SYN3: variants seen among roughly 807,000 people sequenced by gnomAD.
SYN3 encodes synapsin III, also known as synapsin-3.
A neutral mutation model predicts 65.8 loss-of-function variants in SYN3; 35 were observed. The observed-to-expected ratio is 0.53, with a 90% confidence interval of 0.41 to 0.70. The LOEUF (loss-of-function observed/expected upper bound fraction) is 0.70, where lower values mean the gene tolerates loss of function less well. Ranked by LOEUF, SYN3 falls within the 30% of genes least tolerant of loss-of-function variation. SYN3 has a pLI of 0.00. For synonymous variants in SYN3, 270 were observed against 292.9 expected, an observed-to-expected ratio of 0.92 and a Z score of 0.80; for missense variants, 680 against 749.0, an observed-to-expected ratio of 0.91 and a Z score of 1.08.
intron 6 of SYN3, among the ~76,000 whole-genome samples, chr22:32,610,604 C>A (rs2059429005): frequency 6.8e-6 from 1 of 146,616 alleles, no homozygotes; most frequent in Admixed American, 6.8e-5. Flanking sequence ...TGTTTTGAGA[C>A]AACGTTTTGC....
intron 4 of SYN3, among the ~76,000 whole-genome samples, chr22:32,928,901 C>T (rs546727466): frequency 3.3e-5 from 5 of 152,232 alleles, no homozygotes; most frequent in South Asian, 2.1e-4. Flanking sequence ...ATTTCATAAA[C>T]GCTTTTTCAG....
chr22:32,998,736 A>G (rs1255219415), intron 2 of SYN3, among the ~76,000 whole-genome samples: 2 of 151,116 alleles, frequency 1.3e-5, no homozygotes, highest in African/African-American at 4.9e-5. Flanking sequence ...TTTGATTTTG[A>G]AAATCAAACC....
intron 6 of SYN3, among the ~76,000 whole-genome samples, chr22:32,679,824 A>T (rs1330524744): frequency 0.026 from 685 of 26,088 alleles, 3 homozygotes; most frequent in East Asian, 0.063. Context: ...AAACTGGGTG[A>T]GGTTTGTTTT....
intron 4 of SYN3, among the ~76,000 whole-genome samples, chr22:32,886,465 A>G (rs545428765): frequency 6.6e-6 from 1 of 152,178 alleles, no homozygotes; most frequent in Non-Finnish European, 1.5e-5. Flanking sequence ...TTTGAGCTTC[A>G]GTTTCCTCAT....
intron 4 of SYN3, among the ~76,000 whole-genome samples, chr22:32,890,730 G>T (rs1023019865): frequency 3.9e-5 from 6 of 152,034 alleles, no homozygotes; most frequent in Non-Finnish European, 7.4e-5. Flanking sequence ...CTTCTTTTGG[G>T]CAAGTTGCCT....
chr22:33,021,896 T>C (rs2053567054), intron 1 of SYN3, among the ~76,000 whole-genome samples: 1 of 152,082 alleles, frequency 6.6e-6, no homozygotes, highest in African/African-American at 2.4e-5. Context: ...TCTAAGCACC[T>C]AGAAACAGTG....
At chr22:32,599,607 C>T (rs560482681) in intron 6 of SYN3, among the ~76,000 whole-genome samples, 28 of 152,280 alleles carry the variant, frequency 1.8e-4, no homozygotes, top group African/African-American at 5.8e-4. Context: ...AGGTGTGAGC[C>T]ACTGCGCCGG....
chr22:32,816,207 G>C (rs2047084283), intron 6 of SYN3, among the ~76,000 whole-genome samples: 1 of 149,202 alleles, frequency 6.7e-6, no homozygotes, highest in Non-Finnish European at 1.5e-5. Context: ...CTAATTGCAG[G>C]GGCGGGGGTA....
intron 6 of SYN3, among the ~76,000 whole-genome samples, chr22:32,777,670 G>C (rs1343945894): frequency 6.6e-6 from 1 of 152,082 alleles, no homozygotes; most frequent in Non-Finnish European, 1.5e-5. Context: ...CAGGGAGAGA[G>C]GCAAGAAAAT....
chr22:32,730,728 T>C (rs2061259132), intron 6 of SYN3, among the ~76,000 whole-genome samples: 1 of 152,176 alleles, frequency 6.6e-6, no homozygotes, highest in Non-Finnish European at 1.5e-5. Context: ...GCTAAATTTG[T>C]GATAATTTGT....
At chr22:32,736,444 G>A (rs2061337417) in intron 6 of SYN3, among the ~76,000 whole-genome samples, 1 of 152,312 alleles carries the variant, frequency 6.6e-6, no homozygotes, top group South Asian at 2.1e-4. Context: ...ACTGCATAGT[G>A]TAGAGTACTT....
intron 6 of SYN3, among the ~76,000 whole-genome samples, chr22:32,844,241 C>T (rs2047998549): frequency 6.6e-6 from 1 of 152,136 alleles, no homozygotes; most frequent in Admixed American, 6.6e-5. Context: ...GAGGGCAGCT[C>T]AAGGGTATCT....
intron 3 of SYN3, among the ~76,000 whole-genome samples, chr22:32,953,806 T>A (rs1158128760): frequency 1.3e-5 from 2 of 152,168 alleles, no homozygotes; most frequent in Non-Finnish European, 2.9e-5. Context: ...AAGATAATGG[T>A]GGAGATGATT....
In SYN3 at chr22:32,974,441, A is replaced by G. The variant is rs560802144; in HGVS notation, c.369+6204T>C. On this transcript the variant is annotated intron_variant, in intron 3 of 13. Coordinates refer to ENST00000358763, the MANE Select transcript of SYN3 (RefSeq NM_003490.4). ...TCAACCATACTTGTTCAAGAGGTAG[A>G]TATTTGTAAAGAGTAGACTGGGACC... Among the ~76,000 whole-genome samples, 7 of 152,376 alleles carry G rather than the reference A, an allele frequency of 4.6e-5. No homozygotes were observed. In the South Asian group the frequency reaches 1.5e-3, roughly 32 times the overall value.
intron 6 of SYN3, among the ~76,000 whole-genome samples, chr22:32,852,896 C>T (rs1239930611): frequency 6.6e-6 from 1 of 152,194 alleles, no homozygotes; most frequent in Non-Finnish European, 1.5e-5. Context: ...CCATGAGAAA[C>T]CGATCCACTG....
At chr22:32,677,303 GGAA>G (rs914313169) in intron 6 of SYN3, among the ~76,000 whole-genome samples, 237 of 152,232 alleles carry the variant, frequency 1.6e-3, no homozygotes, top group African/African-American at 5.5e-3. Context: ...GTGTGCCAGG[GGAA>G]GAAGACCCTT....
intron 1 of SYN3, among the ~76,000 whole-genome samples, chr22:33,035,330 A>AGC (rs2053833926): frequency 3.2e-5 from 1 of 31,434 alleles, no homozygotes. Context: ...AAATCTCGGG[A>AGC]CCCCCCCCCC....
intron 7 of SYN3, among the ~76,000 whole-genome samples, chr22:32,590,593 G>A (rs73881745): frequency 0.013 from 2,022 of 152,306 alleles, 48 homozygotes; most frequent in African/African-American, 0.045. Flanking sequence ...GCTATATTCC[G>A]AAGTGGTTGT....
intron 4 of SYN3, among the ~76,000 whole-genome samples, chr22:32,915,014 G>A (rs985571735): frequency 6.6e-6 from 1 of 152,116 alleles, no homozygotes; most frequent in Non-Finnish European, 1.5e-5. Flanking sequence ...TGGTGGGGAA[G>A]GCAGGCTCAA....
Sources: allele counts gnomAD v4.1 joint callset (sites outside exome capture counted in the v4.1 genomes callset), GRCh38; gene constraint gnomAD v4.1.1; transcripts MANE v1.5; gene names NCBI Gene and HGNC (gene_info 2026-07-23, HGNC 2026-07-21).